Variants in TAF1C observed in about 807,000 individuals in gnomAD.
The protein encoded by TAF1C is TATA box-binding protein-associated factor RNA polymerase I subunit C.
Under a neutral mutation model 70.5 loss-of-function variants are expected in TAF1C, and 79 were observed. The observed-to-expected ratio is 1.12, with a 90% CI of 0.93 to 1.35. The LOEUF is 1.35. Ranked by LOEUF, TAF1C falls within the 40% of genes most tolerant of loss-of-function variation. The probability of loss-of-function intolerance (pLI) is 0.00; values close to 1 mark genes in which losing one functional copy is unlikely to be tolerated. For missense variants in TAF1C, 1,412 were observed against 1,127.8 expected, an observed-to-expected ratio of 1.25 and a Z score of -3.61; for synonymous variants, 614 against 491.1, an observed-to-expected ratio of 1.25 and a Z score of -3.31.
chr16:84,180,210 G>C lies in TAF1C; in HGVS notation c.1443C>G (p.Leu481=). Reference sequence around the variant, plus strand: ...GCTGCAGCTGCCCACCCTGGCCTCCGAGGAGCAGGGGCTGCACGCAGCTGG... The same window carrying C: ...GCTGCAGCTGCCCACCCTGGCCTCCCAGGAGCAGGGGCTGCACGCAGCTGG... ...PRPSCVQPLL[L]GGQGGQLQLL... The change falls in exon 13 of 15, where the codon CTC becomes CTG. Residue 481 remains leucine, a synonymous_variant. Transcript: ENST00000566732. 1.3e-6 allele frequency: 2 copies of C among 1,537,162 alleles called. No individual in the cohort carries two copies. Among genetic ancestry groups the C allele is most frequent in the Non-Finnish European group, 1.7e-6 (2 of 1,149,074 alleles).
chr16:84,181,068 G>GGGGGGA lies in TAF1C; in HGVS notation c.1277_1282dup (p.Leu426_Pro427dup). The GGGGGGA allele has an allele frequency of 6.2e-7, 1 of 1,611,712 alleles. No homozygotes were observed. Among genetic ancestry groups the GGGGGGA allele is most frequent in the Non-Finnish European group, 8.5e-7 (1 of 1,178,162 alleles). On this transcript the variant is annotated inframe_insertion, in exon 12 of 15. Coordinates refer to ENST00000566732, the MANE Select transcript of TAF1C (RefSeq NM_001243156.2). ...CTGGGTACAGACGAGATGAAGAGTA[G>GGGGGGA]GGGGGAGGCATTTGGGGCTGGAGTG... is the stretch of plus-strand genomic sequence containing the variant.
In TAF1C at chr16:84,185,041, G is replaced by A. The variant is rs2151314389; in HGVS notation, c.-53C>T. The A allele has an allele frequency of 2.5e-6, 4 of 1,583,626 alleles. No individual in the cohort carries two copies. The highest frequency in any genetic ancestry group is 2.3e-5 in the South Asian group (2 of 87,100). On this transcript the variant is annotated 5_prime_UTR_variant, in exon 2 of 15. Transcript: ENST00000566732. The stretch of plus-strand genomic sequence containing the variant: ...TGGCCACCTCGAGAGACTGGAAGCT[G>A]GTAAGGGGCGCCAGAGTTCCTGAGG...
At position 84,183,784 on chromosome 16, in the gene TAF1C, G is replaced by A. The variant is rs2151310509; in HGVS notation, c.139-6C>T. 6.2e-7 allele frequency: 1 copy of A among 1,607,010 alleles called. No homozygotes were observed. The highest frequency in any genetic ancestry group is 1.7e-4 in the Middle Eastern group (1 of 6,042). ...GTCACATGCAGTGCCCCATTCTGAA[G>A]GGAGGACAATCGCAAGGACAGTATC... On this transcript the variant is annotated splice_polypyrimidine_tract_variant and splice_region_variant and intron_variant, in intron 2 of 14. Transcript: ENST00000566732.
intron 1 of TAF1C, chr16:84,185,449 C>G (rs1190138848): frequency 1.3e-5 from 2 of 154,512 alleles, no homozygotes; most frequent in Non-Finnish European, 2.9e-5. Context: ...GGGGCAGCCT[C>G]TCTCCCGGCT....
rs747810069 is a variant in TAF1C at position 84,179,978 on chromosome 16, C to A, written c.1589G>T (p.Arg530Leu). ...FPLLEPKIQW[R>L]LQERLKAPTI... Reference sequence around the variant, plus strand: ...CGGTGCTTTCAGGCGCTCCTGCAGCCGCCACTGGATCTTAGGCTCCAGCAG... The same window carrying A: ...CGGTGCTTTCAGGCGCTCCTGCAGCAGCCACTGGATCTTAGGCTCCAGCAG... The change falls in exon 14 of 15, where the codon CGG becomes CTG. Residue 530 changes from arginine (R) to leucine (L), a missense_variant. Transcript: ENST00000566732. The A allele has an allele frequency of 2.5e-5, 41 of 1,612,368 alleles. No homozygotes were observed. The highest frequency in any genetic ancestry group is 1.3e-4 in the Admixed American group (8 of 59,962).
rs760195306 is a variant in TAF1C, at chr16:84,185,022, C to G, written c.-34G>C. ...CAAGGACCAAGCACCACACTGGCCA[C>G]CTCGAGAGACTGGAAGCTGGTAAGG... is the stretch of plus-strand genomic sequence containing the variant. On this transcript the variant is annotated 5_prime_UTR_variant, in exon 2 of 15. Transcript: ENST00000566732. 6.2e-7 allele frequency: 1 copy of G among 1,600,130 alleles called. No homozygotes were observed. The highest frequency in any genetic ancestry group is 2.2e-5 in the East Asian group (1 of 44,566).
chr16:84,182,944 A>T lies in TAF1C; in HGVS notation c.482+132T>A. 1 of 869,598 alleles carries T rather than the reference A, an allele frequency of 1.1e-6. No individual in the cohort carries two copies. The highest frequency in any genetic ancestry group is 1.8e-6 in the Non-Finnish European group (1 of 546,990). 53.9% of individuals were successfully genotyped at this position (869,598 alleles called of 1,614,324 possible). On this transcript the variant is annotated intron_variant, in intron 6 of 14. Coordinates refer to ENST00000566732, the MANE Select transcript of TAF1C (RefSeq NM_001243156.2). This position sits in a 1 kb window ranked among gnomAD's most constrained non-coding sequence, Gnocchi z 5.0. ...TTGGAGTTGGAAGTCTGGTATAAGA[A>T]AGTACAGCTCAGACTGCATGGAGCA...
rs779646163 is a variant in TAF1C, at chr16:84,181,525, C to G, written c.1029-62G>C. Reference sequence around the variant, plus strand: ...GCTGATGGGGAAGGGGCTCAAGGGTCGCGACATGCTCAACAGGGCGGAGTT... The same window carrying G: ...GCTGATGGGGAAGGGGCTCAAGGGTGGCGACATGCTCAACAGGGCGGAGTT... On this transcript the variant is annotated intron_variant, in intron 10 of 14. Coordinates refer to ENST00000566732, the MANE Select transcript of TAF1C (RefSeq NM_001243156.2). The G allele has an allele frequency of 6.9e-5, 111 of 1,613,642 alleles. No homozygotes were observed. The Admixed American group carries it at 1.2e-3, about 17-fold the overall frequency.
rs779377003 is a variant in TAF1C at position 84,179,863 on chromosome 16, A to G, written c.1622-12T>C. 2 of 1,607,530 alleles carry G rather than the reference A, an allele frequency of 1.2e-6. No homozygotes were observed. Among genetic ancestry groups the G allele is most frequent in the Non-Finnish European group, 1.7e-6 (2 of 1,176,712 alleles). ...GACGGCAGCCAGACCTGGTGACGGG[A>G]ATGACAATGACCTCCAGGGCCTAGC... On this transcript the variant is annotated splice_polypyrimidine_tract_variant and intron_variant, in intron 14 of 14. Transcript: ENST00000566732.
chr16:84,182,308 C>T lies in TAF1C; in HGVS notation c.615G>A (p.Leu205=). The change falls in exon 7 of 15, where the codon CTG becomes CTA. Residue 205 remains leucine (L), a synonymous_variant. Transcript: ENST00000566732. The surrounding 1 kb of genome is among the most constrained non-coding windows in gnomAD (Gnocchi z 5.0). ...HEELVLRWEQ[L]LLDEACTGGA... ...CCCCAGTGCAGGCCTCATCCAGAAG[C>T]AGCTGCTCCCACCGCAGCACCAGCT... 6.2e-7 allele frequency: 1 copy of T among 1,612,788 alleles called. No homozygotes were observed. Among genetic ancestry groups the T allele is most frequent in the East Asian group, 2.2e-5 (1 of 44,874 alleles).
chr16:84,180,752 A>AGCTCTCC, intron 12 of TAF1C: 3 of 1,269,688 alleles, frequency 2.4e-6, no homozygotes, highest in Non-Finnish European at 3.0e-6. Flanking sequence ...TGCACAGCAG[A>AGCTCTCC]AACTCTCCAG....
In TAF1C at chr16:84,178,960, T is replaced by C; in HGVS notation, c.2513A>G (p.Lys838Arg). 6.2e-7 allele frequency: 1 copy of C among 1,609,174 alleles called. No individual in the cohort carries two copies. The highest frequency in any genetic ancestry group is 8.5e-7 in the Non-Finnish European group (1 of 1,178,844). Residue 838 changes from lysine (K) to arginine (R), a missense_variant, in exon 15 of 15, where the codon AAG becomes AGG. By Grantham distance (26) the Lys-to-Arg change is conservative (BLOSUM62 2). Transcript: ENST00000566732. The part of the protein sequence containing the change: ...VLSSSQPLRK[K>R]PRMGF Reference sequence around the variant, plus strand: ...GTGTCCTCAGAAGCCCATTCGAGGCTTCTTCCGGAGGGGCTGAGAGCTAGA... The same window carrying C: ...GTGTCCTCAGAAGCCCATTCGAGGCCTCTTCCGGAGGGGCTGAGAGCTAGA...
chr16:84,185,225 C>G (rs2089417802), intron 1 of TAF1C, 165 bp from the exon 2 acceptor site: 1 of 417,298 alleles, frequency 2.4e-6, no homozygotes, highest in African/African-American at 2.0e-5. Flanking sequence ...GTGGTTTCAG[C>G]AAAGCCAGCC....
Position 84,178,810 on chromosome 16 carries a change from G to A in TAF1C, c.*131C>T. On this transcript the variant is annotated 3_prime_UTR_variant, in exon 15 of 15. Transcript: ENST00000566732. ...CCTTCAACTTGGCTCCAAATTGCTT[G>A]GCTCATCATCACAGTGGCCTCCAGA... 1 of 990,794 alleles carries A rather than the reference G, an allele frequency of 1.0e-6. No homozygotes were observed. The highest frequency in any genetic ancestry group is 1.5e-6 in the Non-Finnish European group (1 of 686,820). The allele number at this position is 990,794 out of a possible 1,614,324, so 61.4% of individuals were successfully genotyped here.
chr16:84,180,161 G>C lies in TAF1C; in HGVS notation c.1483+9C>G. On this transcript the variant is annotated intron_variant, in intron 13 of 14. Transcript: ENST00000566732. ...CCCACACGCCGCCCACCCTGGCCTGGACCCTCACCTGCCAGGTGCAGCAGC... is the reference window on the plus strand; with the variant it reads ...CCCACACGCCGCCCACCCTGGCCTGCACCCTCACCTGCCAGGTGCAGCAGC... The C allele has an allele frequency of 6.4e-7, 1 of 1,559,096 alleles. No individual in the cohort carries two copies.
rs1304409624 is a variant in TAF1C at position 84,180,200 on chromosome 16, C to A, written c.1453G>T (p.Gly485Cys). The change falls in exon 13 of 15, where the codon GGT becomes TGT. Residue 485 changes from glycine to cysteine, a missense_variant. Gly to Cys is a radical substitution (Grantham distance 159, BLOSUM62 -3). Coordinates refer to ENST00000566732, the MANE Select transcript of TAF1C (RefSeq NM_001243156.2). The stretch of plus-strand genomic sequence containing the variant: ...AGGTGCAGCAGCTGCAGCTGCCCAC[C>A]CTGGCCTCCGAGGAGCAGGGGCTGC... ...CVQPLLLGGQ[G>C]GQLQLLHLAG... is the part of the protein sequence containing the mutation. The A allele has an allele frequency of 1.3e-6, 2 of 1,541,138 alleles. No homozygotes were observed. Among genetic ancestry groups the A allele is most frequent in the Non-Finnish European group, 1.7e-6 (2 of 1,151,694 alleles).
At chr16:84,180,430 G>GT (rs1243327866) in intron 12 of TAF1C, 86 bp from the exon 13 acceptor site, 33 of 1,372,822 alleles carry the variant, frequency 2.4e-5, no homozygotes, top group Non-Finnish European at 3.0e-5. Context: ...GGCTCTCCAG[G>GT]TGAGTGCAGA....
rs771724397 is a variant in TAF1C, at chr16:84,181,586, C to G, written c.1028+6G>C. ...GGGTGGGGGGTTTCACAGGAAGCGGCGATACCCATCCTCAGGGCTCCACAG... is the reference window on the plus strand; with the variant it reads ...GGGTGGGGGGTTTCACAGGAAGCGGGGATACCCATCCTCAGGGCTCCACAG... On this transcript the variant is annotated splice_donor_region_variant and intron_variant, in intron 10 of 14. Transcript: ENST00000566732. The G allele has an allele frequency of 1.2e-5, 19 of 1,613,736 alleles. No individual in the cohort carries two copies. Among genetic ancestry groups the G allele is most frequent in the Non-Finnish European group, 1.6e-5 (19 of 1,179,978 alleles).
At position 84,179,641 on chromosome 16, in the gene TAF1C, C is replaced by T. The variant is rs2088998721; in HGVS notation, c.1832G>A (p.Ser611Asn). The T allele has an allele frequency of 3.1e-6, 5 of 1,612,486 alleles. No homozygotes were observed. The highest frequency in any genetic ancestry group is 4.2e-6 in the Non-Finnish European group (5 of 1,179,868). The change falls in exon 15 of 15, where the codon AGC becomes AAC. Residue 611 changes from serine (S) to asparagine (N), a missense_variant. By Grantham distance (46) the Ser-to-Asn change is conservative. Coordinates refer to ENST00000566732, the MANE Select transcript of TAF1C (RefSeq NM_001243156.2). ...SWTSQDTAGC[S>N]QWLKALLKVP... ...TTTTAGCAGGGCCTTCAGCCACTGG[C>T]TGCAGCCGGCAGTGTCCTGGGAGGT...
Sources: gnomAD v4.1 joint callset for allele counts on GRCh38, gnomAD v4.1.1 for gene constraint, Gnocchi (gnomAD v3.1) non-coding constraint, MANE v1.5 for transcripts, NCBI Gene and HGNC (gene_info 2026-07-23, HGNC 2026-07-21) for gene names.